Variants in TLE1 observed in about 807,000 individuals in gnomAD.
TLE1 encodes TLE family member 1, transcriptional corepressor, also known as transducin-like enhancer protein 1.
In TLE1, 21 loss-of-function variants were observed where a neutral mutation model predicts 89.8. The ratio of observed to expected loss-of-function variants is 0.23; its 90% CI spans 0.17 to 0.34. The LOEUF is 0.34. TLE1 is among the 10% of genes least tolerant of loss of function. TLE1 has a pLI of 1.00. For synonymous variants in TLE1, 447 were observed against 407.6 expected, an observed-to-expected ratio of 1.10 and a Z score of -1.16; for missense variants, 795 against 1,031.2, an observed-to-expected ratio of 0.77 and a Z score of 3.14.
intron 6 of TLE1, among the ~76,000 whole-genome samples, chr9:81,635,092 C>G (rs1827202163): frequency 6.6e-6 from 1 of 152,148 alleles, no homozygotes; most frequent in Non-Finnish European, 1.5e-5. Flanking sequence ...GGACTGCAGT[C>G]AGTACAGGAG....
At chr9:81,613,272 T>A in intron 12 of TLE1, 105 bp downstream of exon 12, 1 of 1,474,164 alleles carries the variant, frequency 6.8e-7, no homozygotes, top group East Asian at 2.3e-5. Flanking sequence ...TGGCCCTACG[T>A]ACATTTCATA....
intron 4 of TLE1, 46 bp from the exon 5 acceptor site, chr9:81,654,082 G>T: frequency 6.3e-7 from 1 of 1,588,410 alleles, no homozygotes; most frequent in Non-Finnish European, 8.6e-7. Flanking sequence ...TTCACAATCA[G>T]TTCAGAAAGG....
chr9:81,673,902 G>T (rs1832569286), intron 4 of TLE1, among the ~76,000 whole-genome samples: 1 of 152,134 alleles, frequency 6.6e-6, no homozygotes, highest in Admixed American at 6.6e-5. Context: ...AGGCTGCATG[G>T]GGCCTGGATG....
At chr9:81,615,707 C>T (rs1204786404) in intron 11 of TLE1, among the ~76,000 whole-genome samples, 1 of 125,320 alleles carries the variant, frequency 8.0e-6, no homozygotes, top group African/African-American at 2.9e-5. Context: ...AGTGAGACTC[C>T]GTCTCAAAAA....
At chr9:81,647,208 G>C (rs982145119) in intron 6 of TLE1, among the ~76,000 whole-genome samples, 1 of 152,092 alleles carries the variant, frequency 6.6e-6, no homozygotes, top group African/African-American at 2.4e-5. Context: ...GTCCCCACTG[G>C]TCATCTGACG....
chr9:81,669,420 T>C (rs549997328), intron 4 of TLE1, among the ~76,000 whole-genome samples: 29 of 152,288 alleles, frequency 1.9e-4, no homozygotes, highest in Admixed American at 1.8e-3. Context: ...GAAATAACCT[T>C]CTAAGCCACA....
In TLE1 at chr9:81,596,980, G is replaced by A. The variant is rs539970575; in HGVS notation, c.1332-3706C>T. Among the ~76,000 whole-genome samples the A allele has an allele frequency of 2.3e-4, 35 of 152,272 alleles. 1 individual carries two copies. Among genetic ancestry groups the A allele is most frequent in the East Asian group, 1.2e-3 (6 of 5,180 alleles). On this transcript the variant is annotated intron_variant, in intron 14 of 19. Transcript: ENST00000376499. ...CAAGAGGAAGTCGAGGGGAAGGCTC[G>A]TAACCAGTTAACACATTAGATTAGG... is the stretch of plus-strand genomic sequence containing the variant.
intron 10 of TLE1, 91 bp from the exon 11 acceptor site, chr9:81,616,225 A>T (rs1205273856): frequency 1.3e-6 from 2 of 1,483,916 alleles, no homozygotes; most frequent in African/African-American, 2.8e-5. Context: ...TTAAGGACAG[A>T]GCTGAAAGTC....
intron 4 of TLE1, among the ~76,000 whole-genome samples, chr9:81,657,754 A>G (rs1033992720): frequency 2.0e-5 from 3 of 152,144 alleles, no homozygotes; most frequent in African/African-American, 7.2e-5. Flanking sequence ...GTGTATTTGC[A>G]TATAACCTAT....
At chr9:81,620,764 A>T (rs1316346110) in intron 8 of TLE1, 1 of 984,398 alleles carries the variant, frequency 1.0e-6, no homozygotes, top group Non-Finnish European at 1.2e-6. Flanking sequence ...CAATCAAACC[A>T]TCCAAAGCTA....
intron 14 of TLE1, among the ~76,000 whole-genome samples, chr9:81,609,019 G>A (rs1402963053): frequency 1.3e-5 from 2 of 151,850 alleles, no homozygotes; most frequent in Non-Finnish European, 2.9e-5. Context: ...CTGCCTTAAA[G>A]AAAAAGAAAA....
intron 14 of TLE1, among the ~76,000 whole-genome samples, chr9:81,605,468 A>G (rs1210002841): frequency 2.0e-5 from 3 of 152,180 alleles, no homozygotes; most frequent in African/African-American, 7.2e-5. Flanking sequence ...GTCTGTCACC[A>G]TAAATAGTTT....
chr9:81,677,408 AC>A (rs1287295679), intron 4 of TLE1, among the ~76,000 whole-genome samples: 2 of 151,410 alleles, frequency 1.3e-5, no homozygotes, highest in African/African-American at 4.9e-5. Flanking sequence ...TACTAAAAAT[AC>A]GAAAAATTAG....
intron 16 of TLE1, 78 bp from the exon 17 acceptor site, chr9:81,587,906 C>A: frequency 1.8e-6 from 1 of 545,676 alleles, no homozygotes; most frequent in Non-Finnish European, 2.7e-6. Context: ...TAGTTTTGGA[C>A]CGTGTGTGTG....
chr9:81,642,497 G>C (rs1448917647), intron 6 of TLE1, among the ~76,000 whole-genome samples: 1 of 151,026 alleles, frequency 6.6e-6, no homozygotes, highest in Admixed American at 6.6e-5. Context: ...TTCGAGACCA[G>C]CCTGGCCAAC....
intron 5 of TLE1, 55 bp from the exon 6 acceptor site, chr9:81,652,343 TA>T: frequency 6.7e-7 from 1 of 1,497,424 alleles, no homozygotes; most frequent in South Asian, 1.1e-5. Flanking sequence ...CTTCACTGTA[TA>T]TTCTAACAAC....
At chr9:81,634,741 T>C (rs1455910866) in intron 6 of TLE1, among the ~76,000 whole-genome samples, 1 of 152,094 alleles carries the variant, frequency 6.6e-6, no homozygotes, top group African/African-American at 2.4e-5. Flanking sequence ...TCACGCTGTT[T>C]TCAGAGGGAT....
chr9:81,638,726 G>A (rs1827720771), intron 6 of TLE1, among the ~76,000 whole-genome samples: 1 of 151,860 alleles, frequency 6.6e-6, no homozygotes, highest in Admixed American at 6.6e-5. Flanking sequence ...CTGGGTTCAA[G>A]CGATTCTCCT....
chr9:81,664,906 A>C (rs553119471), intron 4 of TLE1, among the ~76,000 whole-genome samples: 1 of 152,282 alleles, frequency 6.6e-6, no homozygotes, highest in South Asian at 2.1e-4. Flanking sequence ...GGTGACCCTG[A>C]GGCTCTTGGA....
Sources: gnomAD v4.1 joint callset for allele counts (sites outside exome capture counted in the v4.1 genomes callset) on GRCh38, gnomAD v4.1.1 for gene constraint, MANE v1.5 for transcripts, NCBI Gene and HGNC (gene_info 2026-07-23, HGNC 2026-07-21) for gene names.